Variants in SRGAP2 observed in about 807,000 individuals in gnomAD.
SRGAP2 encodes SLIT-ROBO Rho GTPase-activating protein 2.
Under a neutral mutation model 57.2 loss-of-function variants are expected in SRGAP2, and 15 were observed. The observed-to-expected ratio is 0.26, with a 90% confidence interval of 0.18 to 0.40. SRGAP2 has a LOEUF of 0.40. Among genes scored for constraint, SRGAP2 ranks in the 10% least tolerant of loss-of-function variants. SRGAP2 has a pLI of 1.00. For missense variants in SRGAP2, 520 were observed against 669.6 expected, an observed-to-expected ratio of 0.78 and a Z score of 2.47; for synonymous variants, 249 against 248.0, an observed-to-expected ratio of 1.00 and a Z score of -0.04.
intron 13 of SRGAP2, among the ~76,000 whole-genome samples, chr1:206,428,114 A>G (rs982171880): frequency 1.3e-5 from 2 of 151,982 alleles, no homozygotes; most frequent in Non-Finnish European, 2.9e-5. Flanking sequence ...AAAACAATAA[A>G]TTAATTTAAA....
chr1:206,212,157 G>T (rs1666353643), intron 2 of SRGAP2, among the ~76,000 whole-genome samples: 1 of 152,034 alleles, frequency 6.6e-6, no homozygotes, highest in African/African-American at 2.4e-5. Flanking sequence ...GAACATAGGT[G>T]TAACATAGGG....
chr1:206,222,098 CA>C (rs1553304840), intron 2 of SRGAP2, among the ~76,000 whole-genome samples: 1 of 139,290 alleles, frequency 7.2e-6, no homozygotes, highest in Non-Finnish European at 1.5e-5. Context: ...ATATCATAAT[CA>C]GGACCTTGAC....
intron 18 of SRGAP2, among the ~76,000 whole-genome samples, chr1:206,447,135 A>G (rs1445519069): frequency 5.9e-5 from 9 of 152,096 alleles, no homozygotes; most frequent in African/African-American, 1.4e-4. Flanking sequence ...CTAAACACAA[A>G]GACAACTGCC....
At chr1:206,450,835 T>C (rs1663207036) in intron 19 of SRGAP2, among the ~76,000 whole-genome samples, 1 of 151,896 alleles carries the variant, frequency 6.6e-6, no homozygotes, top group Non-Finnish European at 1.5e-5. Flanking sequence ...AGTAAGCAAT[T>C]GGGTGTGGTG....
chr1:206,253,773 C>A (rs1389390176), intron 2 of SRGAP2, among the ~76,000 whole-genome samples: 2 of 151,090 alleles, frequency 1.3e-5, no homozygotes, highest in African/African-American at 4.9e-5. Context: ...TTAGCAGAGA[C>A]CGGGTTTCAC....
chr1:206,237,152 C>T (rs1418565804), intron 2 of SRGAP2, among the ~76,000 whole-genome samples: 3 of 151,450 alleles, frequency 2.0e-5, no homozygotes, highest in Non-Finnish European at 4.4e-5. Context: ...ATCCCAGCTA[C>T]TCGGGAGGCT....
chr1:206,339,503 T>A (rs1394984550), intron 3 of SRGAP2, among the ~76,000 whole-genome samples: 11 of 151,912 alleles, frequency 7.2e-5, no homozygotes, highest in Non-Finnish European at 1.5e-4. Context: ...AGGGTTTACA[T>A]AAAACAATGC....
intron 2 of SRGAP2, among the ~76,000 whole-genome samples, chr1:206,237,173 A>G (rs1331702132): frequency 2.6e-5 from 4 of 151,840 alleles, no homozygotes; most frequent in African/African-American, 7.3e-5. Context: ...GAGGCACAAG[A>G]ATCTCTTGAA....
intron 18 of SRGAP2, among the ~76,000 whole-genome samples, chr1:206,447,920 T>A (rs1239479197): frequency 6.6e-6 from 1 of 152,124 alleles, no homozygotes; most frequent in Non-Finnish European, 1.5e-5. Flanking sequence ...CCTACCCACC[T>A]GTTTCTTGTG....
At chr1:206,413,144 T>TATCC (rs1405817564) in intron 10 of SRGAP2, among the ~76,000 whole-genome samples, 1 of 152,254 alleles carries the variant, frequency 6.6e-6, no homozygotes, top group Non-Finnish European at 1.5e-5. Flanking sequence ...AAGGAATTTG[T>TATCC]ATCCATCTCC....
chr1:206,388,683 CT>C (rs1656556278), intron 5 of SRGAP2, among the ~76,000 whole-genome samples: 1 of 130,432 alleles, frequency 7.7e-6, no homozygotes, highest in Non-Finnish European at 1.6e-5. Context: ...TGTTTTCAAA[CT>C]TTTCTTCTTG....
intron 3 of SRGAP2, among the ~76,000 whole-genome samples, chr1:206,309,129 G>A (rs1261349241): frequency 1.4e-5 from 2 of 144,572 alleles, no homozygotes; most frequent in South Asian, 2.2e-4. Flanking sequence ...CTGCACCGCT[G>A]CACACCAGCC....
chr1:206,451,186 T>C (rs1322728144), intron 19 of SRGAP2, among the ~76,000 whole-genome samples: 9 of 137,444 alleles, frequency 6.5e-5, no homozygotes, highest in East Asian at 2.2e-4. Flanking sequence ...CGGAACCCAA[T>C]AGAAGCAAGC....
intron 7 of SRGAP2, among the ~76,000 whole-genome samples, chr1:206,396,052 G>A (rs868943681): frequency 1.2e-4 from 17 of 145,026 alleles, no homozygotes; most frequent in African/African-American, 3.4e-4. Flanking sequence ...GTGCGATCTC[G>A]GCTCACTGCA....
intron 2 of SRGAP2, among the ~76,000 whole-genome samples, chr1:206,251,604 C>T (rs1553311105): frequency 6.6e-6 from 1 of 151,594 alleles, no homozygotes; most frequent in African/African-American, 2.4e-5. Flanking sequence ...TCAGATCTGC[C>T]TCACTGTCAC....
chr1:206,456,160 T>C (rs1553378373), intron 21 of SRGAP2: 1 of 152,256 alleles, frequency 6.6e-6, no homozygotes, highest in African/African-American at 2.4e-5. Flanking sequence ...TTTTAAACTA[T>C]ACCAGGTTTC....
intron 12 of SRGAP2, among the ~76,000 whole-genome samples, chr1:206,419,732 T>G (rs1256456768): frequency 6.6e-6 from 1 of 151,764 alleles, no homozygotes; most frequent in East Asian, 1.9e-4. Context: ...TAACCTAACC[T>G]TAGCTGCTAG....
Position 206,453,243 on chromosome 1 carries a change from C to A in SRGAP2, c.2223C>A (p.Gly741=). The A allele has an allele frequency of 1.5e-6, 1 of 662,030 alleles. No individual in the cohort carries two copies. Among genetic ancestry groups the A allele is most frequent in the Non-Finnish European group, 2.8e-6 (1 of 353,486 alleles). The allele number at this position is 662,030 out of a possible 1,614,324, so 41.0% of individuals were successfully genotyped here. A position where few individuals can be genotyped will look rare whatever the true frequency, so the allele number is the denominator to read the frequency against. Residue 741 remains glycine, a synonymous_variant, in exon 20 of 23, where the codon GGC becomes GGA. Coordinates refer to ENST00000573034, the MANE Select transcript of SRGAP2 (RefSeq NM_015326.5). ...IEAIAKFDYV[G]RTARELSFKK... is the part of the protein sequence containing the mutation. ...CCATTGCCAAGTTTGACTACGTGGG[C>A]CGGACAGCCCGAGAGCTATCCTTTA...
intron 2 of SRGAP2, among the ~76,000 whole-genome samples, chr1:206,208,802 C>T (rs1448741067): frequency 1.3e-5 from 2 of 151,874 alleles, no homozygotes; most frequent in Non-Finnish European, 2.9e-5. Flanking sequence ...ATTGCTGTAA[C>T]AGCTATGCAG....
Sources: allele counts gnomAD v4.1 joint callset (sites outside exome capture counted in the v4.1 genomes callset), GRCh38; gene constraint gnomAD v4.1.1; transcripts MANE v1.5; gene names NCBI Gene and HGNC (gene_info 2026-07-23, HGNC 2026-07-21).